ZNF718: variants seen among roughly 807,000 people sequenced by gnomAD.
The protein encoded by ZNF718 is zinc finger protein 718.
Under a neutral mutation model 2.6 loss-of-function variants are expected in ZNF718, and 3 were observed. The observed-to-expected ratio is 1.16, with a 90% confidence interval of 0.53 to 3.01. The LOEUF (loss-of-function observed/expected upper bound fraction) is 3.01. Among genes scored for constraint, ZNF718 ranks in the 30% most tolerant of loss-of-function variants. ZNF718 has a pLI of 0.03. For missense variants in ZNF718, 468 were observed against 230.0 expected (o/e 2.03, Z -6.69); for synonymous variants, 135 against 77.9 (o/e 1.73, Z -3.86).
intron 3 of ZNF718, among the ~76,000 whole-genome samples, chr4:156,054 G>A (rs1218979552): frequency 1.3e-5 from 2 of 152,094 alleles, no homozygotes; most frequent in Non-Finnish European, 2.9e-5. Context: ...TGTAAGATGT[G>A]CCTTTCACTT....
At chr4:184,487 C>T (rs1717525867) in intron 3 of ZNF718, among the ~76,000 whole-genome samples, 1 of 152,042 alleles carries the variant, frequency 6.6e-6, no homozygotes, top group Admixed American at 6.6e-5. Context: ...GTTGTTGTAT[C>T]TCTGCCAGGT....
At chr4:185,329 C>T (rs1393255844) in intron 3 of ZNF718, among the ~76,000 whole-genome samples, 2 of 152,062 alleles carry the variant, frequency 1.3e-5, no homozygotes, top group African/African-American at 4.8e-5. Flanking sequence ...ATTTCTTATC[C>T]TTGAGTTCTA....
chr4:198,527 G>A (rs1478895249), intron 3 of ZNF718, among the ~76,000 whole-genome samples: 2 of 152,174 alleles, frequency 1.3e-5, no homozygotes, highest in Non-Finnish European at 2.9e-5. Flanking sequence ...GTCCTGCAGG[G>A]CACCTATGAA....
At position 124,605 on chromosome 4, in the gene ZNF718, G is replaced by T; in HGVS notation, c.-66G>T. 1 of 1,598,984 alleles carries T rather than the reference G, an allele frequency of 6.3e-7. No individual in the cohort carries two copies. Among genetic ancestry groups the T allele is most frequent in the Non-Finnish European group, 8.5e-7 (1 of 1,176,718 alleles). ...TTCTGCCACAGCCTCAGCCTCTGTGGCTCTGTGACCTGCCGGTATTGGATG... is the reference window on the plus strand; with the variant it reads ...TTCTGCCACAGCCTCAGCCTCTGTGTCTCTGTGACCTGCCGGTATTGGATG... On this transcript the variant is annotated 5_prime_UTR_variant, in exon 1 of 4. Transcript: ENST00000510175.
In ZNF718 at chr4:146,254, G is replaced by C. The variant is rs1321016802; in HGVS notation, c.227-14658G>C. Among the ~76,000 whole-genome samples the C allele has an allele frequency of 2.0e-5, 3 of 151,878 alleles. 1 individual carries two copies. Among genetic ancestry groups the C allele is most frequent in the Admixed American group, 2.0e-4 (3 of 15,264 alleles). On this transcript the variant is annotated intron_variant, in intron 3 of 3. Transcript: ENST00000510175. ...TTATTTTTTAATCTGAGAATATCTT[G>C]ATTGATACTTCATTTGTAAAGGACA...
intron 3 of ZNF718, among the ~76,000 whole-genome samples, chr4:200,134 T>G (rs1192699144): frequency 1.3e-5 from 2 of 152,248 alleles, no homozygotes; most frequent in African/African-American, 4.8e-5. Flanking sequence ...TGTAGAGGAT[T>G]ACCAAGATCA....
intron 3 of ZNF718, among the ~76,000 whole-genome samples, chr4:143,482 G>A (rs61792258): frequency 0.14 from 21,241 of 152,134 alleles, 1,919 homozygotes; most frequent in Admixed American, 0.24. Context: ...CAGTGTGCAC[G>A]GCCAAGGGGG....
chr4:134,819 C>CT (rs1387644623), intron 3 of ZNF718, among the ~76,000 whole-genome samples: 40 of 151,990 alleles, frequency 2.6e-4, no homozygotes, highest in African/African-American at 9.4e-4. Flanking sequence ...GTTCCAGTGA[C>CT]TCATTTCTGT....
At chr4:175,196 C>A (rs371223741) in intron 3 of ZNF718, among the ~76,000 whole-genome samples, 23 of 152,322 alleles carry the variant, frequency 1.5e-4, no homozygotes, top group African/African-American at 5.1e-4. Flanking sequence ...ACACTTGCAA[C>A]AACCAACAAC....
At chr4:154,350 A>C (rs1560118422) in intron 3 of ZNF718, among the ~76,000 whole-genome samples, 2 of 152,206 alleles carry the variant, frequency 1.3e-5, no homozygotes, top group Admixed American at 6.5e-5. Context: ...GGAACTGGGT[A>C]ACAGGCAGAG....
intron 3 of ZNF718, among the ~76,000 whole-genome samples, chr4:138,795 T>C (rs146071938): frequency 3.3e-4 from 50 of 152,260 alleles, no homozygotes; most frequent in Non-Finnish European, 7.2e-4. Context: ...CTCACCAGCA[T>C]TTATTAATCA....
downstream of ZNF718, among the ~76,000 whole-genome samples, chr4:165,670 G>T (rs1717069019): frequency 3.3e-5 from 5 of 152,220 alleles, no homozygotes; most frequent in South Asian, 1.0e-3. Flanking sequence ...GTGATGGTGG[G>T]TGCCTGTAAT....
intron 3 of ZNF718, among the ~76,000 whole-genome samples, chr4:199,302 C>A (rs1355299483): frequency 6.6e-6 from 1 of 152,254 alleles, no homozygotes; most frequent in Non-Finnish European, 1.5e-5. Flanking sequence ...TTTTAATGAG[C>A]TTCTCCCATT....
chr4:167,336 C>T (rs1446995955), downstream of ZNF718, among the ~76,000 whole-genome samples: 2 of 152,080 alleles, frequency 1.3e-5, no homozygotes, highest in Non-Finnish European at 2.9e-5. Flanking sequence ...AATGTGTGCT[C>T]TTTTTTGGTT....
chr4:160,799 C>G (rs546457516), intron 3 of ZNF718, 113 bp from the exon 4 acceptor site: 3 of 632,594 alleles, frequency 4.7e-6, no homozygotes, highest in Non-Finnish European at 8.6e-6. Flanking sequence ...TATTTGCCCA[C>G]CTTGGCCTCG....
At chr4:171,085 G>A (rs951433211) in intron 3 of ZNF718, among the ~76,000 whole-genome samples, 7 of 152,194 alleles carry the variant, frequency 4.6e-5, no homozygotes, top group Admixed American at 4.6e-4. Flanking sequence ...GCAGCTTCAG[G>A]TCTGTTGGAG....
chr4:188,660 A>G (rs1717618382), intron 3 of ZNF718, among the ~76,000 whole-genome samples: 1 of 151,912 alleles, frequency 6.6e-6, no homozygotes, highest in Non-Finnish European at 1.5e-5. Flanking sequence ...CTCTACTGAG[A>G]CTCCACACAA....
At chr4:183,031 T>C (rs1293041624) in intron 3 of ZNF718, among the ~76,000 whole-genome samples, 1 of 152,202 alleles carries the variant, frequency 6.6e-6, no homozygotes, top group East Asian at 1.9e-4. Flanking sequence ...ATTTTTGCTT[T>C]TCTTGAAATG....
At chr4:146,077 C>CTATATATATATATATATATATATATA (rs5742061) in intron 3 of ZNF718, among the ~76,000 whole-genome samples, 2 of 143,060 alleles carry the variant, frequency 1.4e-5, no homozygotes, top group South Asian at 4.5e-4. Flanking sequence ...ATATAGCCTT[C>CTATATATATATATATATATATATATA]TATATATATA....
Sources: allele counts gnomAD v4.1 joint callset (sites outside exome capture counted in the v4.1 genomes callset), GRCh38; gene constraint gnomAD v4.1.1; transcripts MANE v1.5; gene names NCBI Gene and HGNC (gene_info 2026-07-23, HGNC 2026-07-21).